OTUD7A: variants seen among roughly 807,000 people sequenced by gnomAD.
OTUD7A encodes the protein OTU deubiquitinase 7A, also known as OTU domain-containing protein 7A.
In OTUD7A, 12 loss-of-function variants were observed where a neutral mutation model predicts 65.7. That is an observed-to-expected ratio of 0.18 (90% CI 0.12 to 0.30). OTUD7A has a LOEUF of 0.30. Ranked by LOEUF, OTUD7A falls within the 10% of genes least tolerant of loss-of-function variation. The pLI, the probability that OTUD7A is intolerant of heterozygous loss-of-function variation, is 1.00. For missense variants in OTUD7A, 1,148 were observed against 1,304.8 expected, an observed-to-expected ratio of 0.88 and a Z score of 1.85; for synonymous variants, 641 against 586.3, an observed-to-expected ratio of 1.09 and a Z score of -1.35.
chr15:31,631,352 T>A (rs920771544), intron 3 of OTUD7A, among the ~76,000 whole-genome samples: 3 of 152,234 alleles, frequency 2.0e-5, no homozygotes, highest in Non-Finnish European at 4.4e-5. Context: ...TTATGAAGCT[T>A]AGTTTGGCTG....
At chr15:31,526,630 T>C (rs913141797) in intron 7 of OTUD7A, among the ~76,000 whole-genome samples, 169 bp from the exon 8 acceptor site, 1 of 152,196 alleles carries the variant, frequency 6.6e-6, no homozygotes, top group Admixed American at 6.5e-5. Context: ...CTATGCACAA[T>C]ATATTTTCAG....
intron 1 of OTUD7A, among the ~76,000 whole-genome samples, chr15:31,846,240 C>G (rs970338665): frequency 6.6e-6 from 1 of 152,266 alleles, no homozygotes; most frequent in South Asian, 2.1e-4. Context: ...CAACATGACT[C>G]TTTCCTGAGC....
intron 3 of OTUD7A, among the ~76,000 whole-genome samples, chr15:31,644,124 G>A (rs1395252979): frequency 6.6e-6 from 1 of 151,882 alleles, no homozygotes; most frequent in African/African-American, 2.4e-5. Context: ...AGGGTGGGGT[G>A]GGGGATGCCA....
chr15:31,770,167 C>T (rs937682218), intron 1 of OTUD7A, among the ~76,000 whole-genome samples: 1 of 151,882 alleles, frequency 6.6e-6, no homozygotes, highest in African/African-American at 2.4e-5. Context: ...AACTGACAAA[C>T]CCTTAGTCAG....
At chr15:31,536,019 A>G (rs987359450) in intron 5 of OTUD7A, among the ~76,000 whole-genome samples, 3 of 152,112 alleles carry the variant, frequency 2.0e-5, no homozygotes, top group Non-Finnish European at 4.4e-5. Context: ...AGACATCTTC[A>G]TTCACTCTTT....
At chr15:31,748,826 A>T (rs1219595951) in intron 1 of OTUD7A, among the ~76,000 whole-genome samples, 1 of 152,140 alleles carries the variant, frequency 6.6e-6, no homozygotes, top group African/African-American at 2.4e-5. Flanking sequence ...AATATATCAC[A>T]ATTTATTTTT....
At chr15:31,667,713 T>C (rs1161286396) in intron 1 of OTUD7A, among the ~76,000 whole-genome samples, 9 of 152,338 alleles carry the variant, frequency 5.9e-5, no homozygotes, top group Admixed American at 4.6e-4. Context: ...TTTTTGTTTT[T>C]GCTTTTTAAC....
rs1431161036 is a variant in OTUD7A at position 31,475,667 on chromosome 15, G to A, written c.*7627C>T. The A allele has an allele frequency of 1.3e-5, 2 of 152,220 alleles. No homozygotes were observed. The highest frequency in any genetic ancestry group is 2.4e-5 in the African/African-American group (1 of 41,452). 9.4% of individuals were successfully genotyped at this position (152,220 alleles called of 1,614,324 possible). On this transcript the variant is annotated 3_prime_UTR_variant, in exon 13 of 13. Coordinates refer to ENST00000307050, the MANE Select transcript of OTUD7A (RefSeq NM_001382637.1). ...AGTAATATCCCAACCACAGAAGACA[G>A]CTCTTACAATGGGTTTCTTCTCCAA...
intron 1 of OTUD7A, among the ~76,000 whole-genome samples, chr15:31,752,420 A>T (rs1894662367): frequency 6.6e-6 from 1 of 152,202 alleles, no homozygotes; most frequent in Non-Finnish European, 1.5e-5. Flanking sequence ...CTGAAACTTG[A>T]CAAGTGATAG....
chr15:31,598,526 C>G (rs992524068), intron 3 of OTUD7A, among the ~76,000 whole-genome samples: 1 of 152,206 alleles, frequency 6.6e-6, no homozygotes, highest in Non-Finnish European at 1.5e-5. Flanking sequence ...GAGATTCCTT[C>G]CAGTGCCTAT....
chr15:31,681,049 T>A (rs987731870), intron 1 of OTUD7A, among the ~76,000 whole-genome samples: 1 of 149,858 alleles, frequency 6.7e-6, no homozygotes, highest in Non-Finnish European at 1.5e-5. Context: ...CTATCATCTA[T>A]CTTCAATCTA....
At chr15:31,563,879 G>A (rs1230462643) in intron 4 of OTUD7A, among the ~76,000 whole-genome samples, 1 of 152,050 alleles carries the variant, frequency 6.6e-6, no homozygotes. Context: ...ACCCTTCCCC[G>A]ACTCTCATCT....
chr15:31,566,474 C>T (rs1002258112), intron 4 of OTUD7A, among the ~76,000 whole-genome samples: 3 of 152,118 alleles, frequency 2.0e-5, no homozygotes, highest in African/African-American at 4.8e-5. Context: ...CGAACAGCCA[C>T]GTTACAAAGG....
chr15:31,866,965 C>T (rs1897891907), intron 1 of OTUD7A, among the ~76,000 whole-genome samples: 1 of 152,164 alleles, frequency 6.6e-6, no homozygotes. Context: ...AAACTTCTTT[C>T]CTTTTAAAGT....
chr15:31,720,621 C>G (rs1387268017), intron 1 of OTUD7A, among the ~76,000 whole-genome samples: 1 of 152,182 alleles, frequency 6.6e-6, no homozygotes, highest in Non-Finnish European at 1.5e-5. Context: ...AGGATGCTCT[C>G]AATCTCCTGA....
intron 1 of OTUD7A, among the ~76,000 whole-genome samples, chr15:31,823,744 G>C (rs1308993873): frequency 2.0e-5 from 3 of 152,196 alleles, no homozygotes; most frequent in Non-Finnish European, 4.4e-5. Flanking sequence ...AGAAATTCAT[G>C]TGGTTCACAG....
In OTUD7A at chr15:31,615,891, C is replaced by T. The variant is rs1030159456; in HGVS notation, c.151+39205G>A. Among the ~76,000 whole-genome samples the T allele has an allele frequency of 9.9e-5, 15 of 152,222 alleles. 1 individual carries two copies. Among genetic ancestry groups the T allele is most frequent in the African/African-American group, 3.6e-4 (15 of 41,462 alleles). On this transcript the variant is annotated intron_variant, in intron 3 of 12. Transcript: ENST00000307050. ...GCAGAATGCCTTGGGATCCTTCTGG[C>T]ACAGGGGCAGATGGGAGGTCTGTCA...
chr15:31,713,140 G>A (rs578160957), intron 1 of OTUD7A, among the ~76,000 whole-genome samples: 1 of 152,258 alleles, frequency 6.6e-6, no homozygotes, highest in African/African-American at 2.4e-5. Context: ...GAGTCCATGG[G>A]AAAGCCATAT....
intron 4 of OTUD7A, among the ~76,000 whole-genome samples, chr15:31,568,664 G>A (rs913724703): frequency 4.6e-5 from 7 of 152,198 alleles, no homozygotes; most frequent in African/African-American, 1.7e-4. Flanking sequence ...AATGCAATCC[G>A]CCATCTTGGA....
Sources: allele counts gnomAD v4.1 joint callset (sites outside exome capture counted in the v4.1 genomes callset), GRCh38; gene constraint gnomAD v4.1.1; transcripts MANE v1.5; gene names NCBI Gene and HGNC (gene_info 2026-07-23, HGNC 2026-07-21).